The following CCDC85A variants were observed in gnomAD, a reference collection of about 807,000 sequenced individuals.
CCDC85A encodes coiled-coil domain containing 85A.
A neutral mutation model predicts 50.2 loss-of-function variants in CCDC85A; 38 were observed. The observed-to-expected ratio is 0.76, with a 90% CI of 0.58 to 0.99. The LOEUF (loss-of-function observed/expected upper bound fraction) is 0.99, where lower values mean the gene tolerates loss of function less well. Ranked by LOEUF, CCDC85A falls within the 50% of genes least tolerant of loss-of-function variation. CCDC85A has a pLI of 0.00. For synonymous variants in CCDC85A, 366 were observed against 301.4 expected (o/e 1.21, Z -2.22); for missense variants, 820 against 742.0 (o/e 1.11, Z -1.22).
chr2:56,189,299 T>TTTTTTTTTG (rs1188852843), intron 1 of CCDC85A, among the ~76,000 whole-genome samples: 2 of 141,798 alleles, frequency 1.4e-5, no homozygotes, highest in African/African-American at 5.3e-5. Context: ...TTTTTGGTGT[T>TTTTTTTTTG]TTTTTTTTTT....
At chr2:56,308,605 A>T (rs923045086) in intron 2 of CCDC85A, among the ~76,000 whole-genome samples, 8 of 152,252 alleles carry the variant, frequency 5.3e-5, no homozygotes, top group Admixed American at 2.6e-4. Context: ...AATAATACCT[A>T]CCTTGAATAT....
At chr2:56,289,820 G>C (rs896108919) in intron 2 of CCDC85A, among the ~76,000 whole-genome samples, 1 of 152,162 alleles carries the variant, frequency 6.6e-6, no homozygotes, top group African/African-American at 2.4e-5. Context: ...TATAGTTAAA[G>C]TCCACCAGGA....
At position 56,273,477 on chromosome 2, in the gene CCDC85A, A is replaced by G. The variant is rs1452780317; in HGVS notation, c.1241-69402A>G. On this transcript the variant is annotated intron_variant, in intron 2 of 5. Coordinates refer to ENST00000407595, the MANE Select transcript of CCDC85A (RefSeq NM_001080433.2). ...ACACTGGATTATAGAAAACAAAGGGACAATGCCTTTAAAACTGAGGAAGAA... is the reference window on the plus strand; with the variant it reads ...ACACTGGATTATAGAAAACAAAGGGGCAATGCCTTTAAAACTGAGGAAGAA... Among the ~76,000 whole-genome samples the G allele has an allele frequency of 2.0e-5, 3 of 152,128 alleles. No homozygotes were observed. In the East Asian group the frequency reaches 5.8e-4, roughly 29 times the overall value.
At chr2:56,215,577 GT>G (rs11295380) in intron 2 of CCDC85A, among the ~76,000 whole-genome samples, 34,178 of 136,794 alleles carry the variant, frequency 0.25, 4,509 homozygotes, top group African/African-American at 0.35. Context: ...TTTGCTGATA[GT>G]TTTTTTTTTT....
intron 2 of CCDC85A, among the ~76,000 whole-genome samples, chr2:56,289,640 C>T (rs753757460): frequency 6.6e-6 from 1 of 152,050 alleles, no homozygotes; most frequent in African/African-American, 2.4e-5. Flanking sequence ...TAGGCATGGA[C>T]CAGATCTTGA....
chr2:56,250,053 A>G (rs1669687122), intron 2 of CCDC85A, among the ~76,000 whole-genome samples: 1 of 152,190 alleles, frequency 6.6e-6, no homozygotes, highest in Non-Finnish European at 1.5e-5. Context: ...TTTGTAGATG[A>G]TATCTGTGTA....
intron 2 of CCDC85A, among the ~76,000 whole-genome samples, chr2:56,212,398 A>C (rs1677214565): frequency 6.7e-6 from 1 of 150,160 alleles, no homozygotes; most frequent in African/African-American, 2.4e-5. Flanking sequence ...ATTGAAGCCC[A>C]TGAACCCATT....
intron 3 of CCDC85A, among the ~76,000 whole-genome samples, chr2:56,364,493 T>C (rs1371886378): frequency 6.6e-6 from 1 of 152,208 alleles, no homozygotes; most frequent in Admixed American, 6.5e-5. Context: ...TCATTTTAAA[T>C]TTAAATGTTT....
In CCDC85A at chr2:56,184,707, C is replaced by T; in HGVS notation, c.83C>T (p.Ala28Val). The change falls in exon 1 of 6, where the codon GCC (alanine) becomes GTC (valine). Residue 28 changes from alanine (A) to valine (V), a missense_variant. Physicochemically the swap from Ala to Val is moderately conservative, Grantham distance 64. Transcript: ENST00000407595. ...CCAGCCCCGGCCGGCTCGTCCGCGG[C>T]CCCGCCCGCGCCGGTGGAGGACCTG... ...CSPAPAGSSA[A>V]PPAPVEDLSK... 6.5e-7 allele frequency: 1 copy of T among 1,528,494 alleles called. No homozygotes were observed. 94.7% of individuals were successfully genotyped at this position (1,528,494 alleles called of 1,614,324 possible). A position where few individuals can be genotyped will look rare whatever the true frequency, so the allele number is the denominator to read the frequency against.
At position 56,310,719 on chromosome 2, in the gene CCDC85A, T is replaced by C. The variant is rs138470947; in HGVS notation, c.1241-32160T>C. Reference sequence around the variant, plus strand: ...CATCTAACTATAAGGTCTACAGAACTGTGTATTGCTAAGAAAAAAAAGCAC... The same window carrying C: ...CATCTAACTATAAGGTCTACAGAACCGTGTATTGCTAAGAAAAAAAAGCAC... On this transcript the variant is annotated intron_variant, in intron 2 of 5. Transcript: ENST00000407595. 4.8e-3 allele frequency among the ~76,000 whole-genome samples: 737 copies of C among 152,262 alleles called. 5 individuals carry two copies. Among genetic ancestry groups the C allele is most frequent in the Middle Eastern group, 0.024 (7 of 294 alleles).
At chr2:56,341,655 A>G (rs1032079053) in intron 2 of CCDC85A, among the ~76,000 whole-genome samples, 5 of 152,244 alleles carry the variant, frequency 3.3e-5, no homozygotes, top group African/African-American at 1.2e-4. Flanking sequence ...TTCCTGACAT[A>G]AAGCCATAAA....
In CCDC85A at chr2:56,184,533, G is replaced by T. The variant is rs1210776096; in HGVS notation, c.-92G>T. 2 of 1,300,116 alleles carry T rather than the reference G, an allele frequency of 1.5e-6. No individual in the cohort carries two copies. Among genetic ancestry groups the T allele is most frequent in the Non-Finnish European group, 2.0e-6 (2 of 1,019,000 alleles). The allele number at this position is 1,300,116 out of a possible 1,614,324, so 80.5% of individuals were successfully genotyped here. ...TGCCGCTGACTCGCCGGAGCGCACA[G>T]GGGTGTGGGCGGAGGCGGCCTCGCC... On this transcript the variant is annotated 5_prime_UTR_variant, in exon 1 of 6. In the 5' UTR this introduces an upstream ATG that the reference lacks. Coordinates refer to ENST00000407595, the MANE Select transcript of CCDC85A (RefSeq NM_001080433.2).
chr2:56,377,531 T>C (rs1676390890), intron 5 of CCDC85A, among the ~76,000 whole-genome samples: 1 of 152,078 alleles, frequency 6.6e-6, no homozygotes, highest in African/African-American at 2.4e-5. Context: ...CACTGAAATA[T>C]TTTCCAGATT....
At chr2:56,368,412 GA>G (rs2104384625) in intron 3 of CCDC85A, among the ~76,000 whole-genome samples, 1 of 152,204 alleles carries the variant, frequency 6.6e-6, no homozygotes, top group East Asian at 1.9e-4. Context: ...CAATATGTCA[GA>G]ATGAAGATTG....
intron 2 of CCDC85A, among the ~76,000 whole-genome samples, chr2:56,224,022 T>C (rs1028252361): frequency 6.6e-6 from 1 of 152,194 alleles, no homozygotes; most frequent in Non-Finnish European, 1.5e-5. Flanking sequence ...TTAGTGTATA[T>C]TCAGAGTTGT....
chr2:56,322,184 A>C (rs1673235348), intron 2 of CCDC85A, among the ~76,000 whole-genome samples: 1 of 152,248 alleles, frequency 6.6e-6, no homozygotes, highest in African/African-American at 2.4e-5. Context: ...TAAAGCCATA[A>C]AAACTCTAGA....
At chr2:56,350,015 G>A (rs561722477) in intron 3 of CCDC85A, among the ~76,000 whole-genome samples, 47 of 151,082 alleles carry the variant, frequency 3.1e-4, no homozygotes, top group African/African-American at 7.5e-4. Context: ...GAAAAAAAAT[G>A]GAAAGGGAAT....
intron 2 of CCDC85A, among the ~76,000 whole-genome samples, chr2:56,312,184 T>A (rs1672726100): frequency 6.6e-6 from 1 of 152,136 alleles, no homozygotes; most frequent in Non-Finnish European, 1.5e-5. Context: ...ACTGTCACTA[T>A]GATTAATTAT....
At chr2:56,306,232 C>T (rs568530061) in intron 2 of CCDC85A, among the ~76,000 whole-genome samples, 7 of 152,166 alleles carry the variant, frequency 4.6e-5, no homozygotes, top group South Asian at 4.2e-4. Context: ...CGGGTTCAAG[C>T]GATTCTCCTG....
Sources: gnomAD v4.1 joint callset for allele counts (sites outside exome capture counted in the v4.1 genomes callset) on GRCh38, gnomAD v4.1.1 for gene constraint, MANE v1.5 for transcripts, NCBI Gene and HGNC (gene_info 2026-07-23, HGNC 2026-07-21) for gene names.